Variants in NOL12 observed in about 807,000 individuals in gnomAD.
NOL12 encodes nucleolar protein 12.
In NOL12, 21 loss-of-function variants were observed where a neutral mutation model predicts 25.2. That is an observed-to-expected ratio of 0.83 (90% CI 0.59 to 1.20). NOL12 has a LOEUF of 1.20. Ranked by LOEUF, NOL12 falls within the 50% of genes most tolerant of loss-of-function variation. NOL12 has a pLI of 0.00. For synonymous variants in NOL12, 133 were observed against 113.8 expected, an observed-to-expected ratio of 1.17 and a Z score of -1.08; for missense variants, 286 against 287.6, an observed-to-expected ratio of 0.99 and a Z score of 0.04.
chr22:37,688,274 G>A (rs201569645), intron 2 of NOL12, 38 bp from the exon 3 acceptor site: 3 of 1,609,550 alleles, frequency 1.9e-6, no homozygotes, highest in Non-Finnish European at 2.6e-6. Flanking sequence ...TGGACTGAGA[G>A]GCCATACTCA....
chr22:37,688,747 C>A (rs544234078), intron 3 of NOL12, 103 bp from the exon 4 acceptor site: 13 of 1,216,270 alleles, frequency 1.1e-5, no homozygotes, highest in Non-Finnish European at 1.6e-5. Context: ...ATGCGCTCCA[C>A]GTCCACAGAG....
rs370559539 is a variant in NOL12 at position 37,688,368 on chromosome 22, G to C, written c.238+8G>C. 18 of 1,613,952 alleles carry C rather than the reference G, an allele frequency of 1.1e-5. No individual in the cohort carries two copies. The highest frequency in any genetic ancestry group is 1.4e-5 in the Non-Finnish European group (16 of 1,179,904). ...AGAGAGAAGAGGCTCTGGGTAAGTG[G>C]CATGCTTGGCCTGACCTGGAGAACA... On this transcript the variant is annotated splice_region_variant and intron_variant, in intron 3 of 5. Coordinates refer to ENST00000359114, the MANE Select transcript of NOL12 (RefSeq NM_024313.3).
At chr22:37,687,207 G>A (rs1921855001) in intron 1 of NOL12, 1 of 521,314 alleles carries the variant, frequency 1.9e-6, no homozygotes, top group Non-Finnish European at 2.5e-6. Flanking sequence ...CCTGTTGAGA[G>A]AGTAATGAGG....
chr22:37,687,443 C>T (rs1921870317), intron 1 of NOL12, among the ~76,000 whole-genome samples: 1 of 152,140 alleles, frequency 6.6e-6, no homozygotes, highest in Non-Finnish European at 1.5e-5. Flanking sequence ...TTGATACCCA[C>T]CGCACAGGTT....
At position 37,691,408 on chromosome 22, in the gene NOL12, G is replaced by T. The variant is rs192542732; in HGVS notation, c.*72G>T. The stretch of plus-strand genomic sequence containing the variant: ...CTTGCTCAGCTTGGCTGTCCCTGTA[G>T]CCCAGCCTGCACCTAGGTAATGACT... On this transcript the variant is annotated 3_prime_UTR_variant, in exon 6 of 6. Transcript: ENST00000359114. The T allele has an allele frequency of 3.0e-5, 45 of 1,477,228 alleles. No homozygotes were observed. The Middle Eastern group carries it at 9.6e-4, about 32-fold the overall frequency. 91.5% of individuals were successfully genotyped at this position (1,477,228 alleles called of 1,614,324 possible). A position where few individuals can be genotyped will look rare whatever the true frequency, so the allele number is the denominator to read the frequency against.
chr22:37,693,212 C>T lies in NOL12; in HGVS notation c.*1876C>T, dbSNP rs1922146785. On this transcript the variant is annotated 3_prime_UTR_variant, in exon 6 of 6. Transcript: ENST00000359114. ...CTGCATGAGCTTCTGCTGTGCTGACCTCTCTGGTTTGTCTCGTCATGTGTA... is the reference window on the plus strand; with the variant it reads ...CTGCATGAGCTTCTGCTGTGCTGACTTCTCTGGTTTGTCTCGTCATGTGTA... 6.5e-6 allele frequency: 1 copy of T among 153,144 alleles called. No individual in the cohort carries two copies. Among genetic ancestry groups the T allele is most frequent in the Non-Finnish European group, 1.5e-5 (1 of 68,680 alleles). The allele number at this position is 153,144 out of a possible 1,614,324, so 9.5% of individuals were successfully genotyped here. A position where few individuals can be genotyped will look rare whatever the true frequency, so the allele number is the denominator to read the frequency against.
intron 2 of NOL12, 60 bp from the exon 3 acceptor site, chr22:37,688,252 C>G (rs1921909216): frequency 6.4e-7 from 1 of 1,570,578 alleles, no homozygotes; most frequent in Non-Finnish European, 8.8e-7. Flanking sequence ...GATTAATACC[C>G]CAGCCTGAGG....
chr22:37,691,057 C>T (rs760650457), intron 5 of NOL12, 117 bp from the exon 6 acceptor site: 1 of 1,238,836 alleles, frequency 8.1e-7, no homozygotes, highest in Non-Finnish European at 1.1e-6. Context: ...CAGGCCAACT[C>T]TGGCATGAAC....
In NOL12 at chr22:37,691,800, C is replaced by A. The variant is rs1034550800; in HGVS notation, c.*464C>A. Reference sequence around the variant, plus strand: ...AACCAGGGTTAAGGATCAGTGTGTCCGTTGCTAGAATCCAGAGCCCACCTG... The same window carrying A: ...AACCAGGGTTAAGGATCAGTGTGTCAGTTGCTAGAATCCAGAGCCCACCTG... On this transcript the variant is annotated 3_prime_UTR_variant, in exon 6 of 6. Coordinates refer to ENST00000359114, the MANE Select transcript of NOL12 (RefSeq NM_024313.3). 3 of 154,946 alleles carry A rather than the reference C, an allele frequency of 1.9e-5. No individual in the cohort carries two copies. The highest frequency in any genetic ancestry group is 4.3e-5 in the Non-Finnish European group (3 of 70,104). 9.6% of individuals were successfully genotyped at this position (154,946 alleles called of 1,614,324 possible).
chr22:37,688,111 G>A, intron 2 of NOL12, 96 bp downstream of exon 2: 2 of 1,171,882 alleles, frequency 1.7e-6, no homozygotes, highest in Non-Finnish European at 2.5e-6. Flanking sequence ...ATGGGGCGAT[G>A]TGTGTGTGGG....
At chr22:37,690,885 C>T (rs1922036598) in intron 5 of NOL12, 91 bp downstream of exon 5, 4 of 907,988 alleles carry the variant, frequency 4.4e-6, no homozygotes, top group Non-Finnish European at 7.0e-6. Context: ...AGGTGTAGGG[C>T]CCGGAGCAGC....
intron 4 of NOL12, among the ~76,000 whole-genome samples, chr22:37,689,678 T>G (rs986373318): frequency 6.6e-6 from 1 of 152,262 alleles, no homozygotes; most frequent in Non-Finnish European, 1.5e-5. Context: ...AAAACACATT[T>G]CCTTGTGTGG....
chr22:37,690,876 G>A (rs1026009403), intron 5 of NOL12, 82 bp downstream of exon 5: 6 of 1,043,368 alleles, frequency 5.8e-6, no homozygotes, highest in African/African-American at 1.6e-5. Flanking sequence ...GTGTGGAGCA[G>A]GTGTAGGGCC....
intron 3 of NOL12, 32 bp from the exon 4 acceptor site, chr22:37,688,818 G>C (rs2057685346): frequency 6.2e-7 from 1 of 1,613,028 alleles, no homozygotes; most frequent in African/African-American, 1.3e-5. Context: ...TCGTTCCCGT[G>C]ACTGAGACCA....
chr22:37,687,745 A>G, intron 1 of NOL12, 165 bp from the exon 2 acceptor site: 1 of 543,132 alleles, frequency 1.8e-6, no homozygotes, highest in Admixed American at 3.0e-5. Context: ...GGCGTGAGCC[A>G]CCATGCCTGG....
Position 37,686,356 on chromosome 22 carries a change from G to A in NOL12, c.-37G>A. 6.4e-7 allele frequency: 1 copy of A among 1,565,936 alleles called. No individual in the cohort carries two copies. Among genetic ancestry groups the A allele is most frequent in the South Asian group, 1.2e-5 (1 of 84,724 alleles). On this transcript the variant is annotated 5_prime_UTR_variant, in exon 1 of 6. The change creates a new upstream start codon in the 5' untranslated region. Coordinates refer to ENST00000359114, the MANE Select transcript of NOL12 (RefSeq NM_024313.3). The stretch of plus-strand genomic sequence containing the variant: ...GAGGATGAGTACGCTACACCCGGAA[G>A]TGTCTTCAGGGAGAGGAAGCCGGCG...
At chr22:37,688,117 G>A (rs1042143155) in intron 2 of NOL12, 102 bp downstream of exon 2, 40 of 1,159,436 alleles carry the variant, frequency 3.4e-5, no homozygotes, top group East Asian at 5.1e-5. Flanking sequence ...CGATGTGTGT[G>A]TGGGCAGGAC....
chr22:37,690,171 C>CA (rs1039469004), intron 4 of NOL12, among the ~76,000 whole-genome samples: 9 of 149,440 alleles, frequency 6.0e-5, no homozygotes, highest in African/African-American at 1.2e-4. Flanking sequence ...AACTCCGTCT[C>CA]AAAAAAAACT....
Position 37,691,475 on chromosome 22 carries a change from G to A in NOL12, c.*139G>A. On this transcript the variant is annotated 3_prime_UTR_variant, in exon 6 of 6. Coordinates refer to ENST00000359114, the MANE Select transcript of NOL12 (RefSeq NM_024313.3). Reference sequence around the variant, plus strand: ...GGAAGCCAGGACCTCTCTGGCCTGGGGCCAGCTGCCTTTGCCTGGGGTCAG... The same window carrying A: ...GGAAGCCAGGACCTCTCTGGCCTGGAGCCAGCTGCCTTTGCCTGGGGTCAG... 2.2e-6 allele frequency: 2 copies of A among 906,808 alleles called. No homozygotes were observed. The highest frequency in any genetic ancestry group is 3.0e-6 in the Non-Finnish European group (2 of 658,034). 56.2% of individuals were successfully genotyped at this position (906,808 alleles called of 1,614,324 possible). A position where few individuals can be genotyped will look rare whatever the true frequency, so the allele number is the denominator to read the frequency against.
Sources: allele counts gnomAD v4.1 joint callset (sites outside exome capture counted in the v4.1 genomes callset), GRCh38; gene constraint gnomAD v4.1.1; transcripts MANE v1.5; gene names NCBI Gene and HGNC (gene_info 2026-07-23, HGNC 2026-07-21).